The following KCNN2 variants were observed in gnomAD, a reference collection of about 807,000 sequenced individuals.
The protein encoded by KCNN2 is potassium calcium-activated channel subfamily N member 2.
A neutral mutation model predicts 55.5 loss-of-function variants in KCNN2; 24 were observed. The ratio of observed to expected loss-of-function variants is 0.43; its 90% CI spans 0.31 to 0.61. The LOEUF (loss-of-function observed/expected upper bound fraction) is 0.61. KCNN2 is among the 20% of genes least tolerant of loss of function. KCNN2 has a pLI of 0.08. For missense variants in KCNN2, 754 were observed against 853.6 expected, an observed-to-expected ratio of 0.88 and a Z score of 1.45; for synonymous variants, 431 against 336.1, an observed-to-expected ratio of 1.28 and a Z score of -3.09.
intron 1 of KCNN2, among the ~76,000 whole-genome samples, chr5:114,174,500 A>C (rs1024080838): frequency 1.3e-5 from 2 of 152,072 alleles, no homozygotes; most frequent in African/African-American, 4.8e-5. Context: ...TGTATTTCTT[A>C]CTTCACTTCT....
At chr5:114,368,710 G>A (rs1757675974) in intron 2 of KCNN2, among the ~76,000 whole-genome samples, 1 of 152,102 alleles carries the variant, frequency 6.6e-6, no homozygotes, top group Non-Finnish European at 1.5e-5. Flanking sequence ...AGTGAAAGTC[G>A]CATTCTCTCA....
intron 5 of KCNN2, among the ~76,000 whole-genome samples, chr5:114,484,948 G>A (rs1236917270): frequency 6.6e-6 from 1 of 152,068 alleles, no homozygotes; most frequent in East Asian, 1.9e-4. Context: ...AAGGCCTCGA[G>A]GGCATTACCC....
upstream of KCNN2, among the ~76,000 whole-genome samples, chr5:114,358,692 C>T (rs1217074009): frequency 6.6e-6 from 1 of 151,894 alleles, no homozygotes; most frequent in Non-Finnish European, 1.5e-5. Context: ...TTCCTCTCTC[C>T]TTCTCTCTGT....
chr5:114,263,888 C>T (rs1381933533), intron 2 of KCNN2, among the ~76,000 whole-genome samples: 1 of 152,144 alleles, frequency 6.6e-6, no homozygotes, highest in Admixed American at 6.6e-5. Flanking sequence ...GCATCATATG[C>T]ACAGCTCCAT....
At chr5:114,252,824 T>C (rs1754897535) in intron 2 of KCNN2, among the ~76,000 whole-genome samples, 1 of 151,736 alleles carries the variant, frequency 6.6e-6, no homozygotes, top group African/African-American at 2.4e-5. Flanking sequence ...GGTGACAAGA[T>C]GACATGTGGA....
chr5:114,293,621 A>G (rs1755943863), intron 2 of KCNN2, among the ~76,000 whole-genome samples: 1 of 152,294 alleles, frequency 6.6e-6, no homozygotes, highest in Admixed American at 6.5e-5. Context: ...TTTTTGCATC[A>G]ATGTTCTTCA....
At chr5:114,460,214 T>C (rs544437242) in intron 3 of KCNN2, among the ~76,000 whole-genome samples, 5 of 152,144 alleles carry the variant, frequency 3.3e-5, no homozygotes, top group African/African-American at 1.2e-4. Flanking sequence ...GAAAACCACA[T>C]GCCTAGGAAG....
At chr5:114,263,962 T>C (rs750566798) in intron 2 of KCNN2, among the ~76,000 whole-genome samples, 40 of 152,222 alleles carry the variant, frequency 2.6e-4, no homozygotes, top group Non-Finnish European at 5.7e-4. Context: ...CAAGGCTCTC[T>C]GAGCTTCTTT....
At chr5:114,295,452 A>G (rs1010846944) in intron 2 of KCNN2, among the ~76,000 whole-genome samples, 2 of 152,024 alleles carry the variant, frequency 1.3e-5, no homozygotes, top group African/African-American at 4.8e-5. Flanking sequence ...TTGATCTCAG[A>G]CTGCTGTGCT....
rs1024029284 is a variant in KCNN2, at chr5:114,433,440, G to T, written c.1637+28584G>T. The stretch of plus-strand genomic sequence containing the variant: ...AGTGCCCTGTCAAAACAGACCACTC[G>T]GCTCTACCAATCAGCAGGATGTGGG... On this transcript the variant is annotated intron_variant, in intron 3 of 7. Coordinates refer to ENST00000673685, the MANE Select transcript of KCNN2 (RefSeq NM_021614.4). 4.9e-4 allele frequency: 74 copies of T among 152,262 alleles called. 1 individual carries two copies. The highest frequency in any genetic ancestry group is 1.5e-3 in the African/African-American group (62 of 41,536). 9.4% of individuals were successfully genotyped at this position (152,262 alleles called of 1,614,324 possible).
At chr5:114,225,227 TA>T (rs1341609859) in intron 2 of KCNN2, among the ~76,000 whole-genome samples, 2 of 152,336 alleles carry the variant, frequency 1.3e-5, no homozygotes, top group Admixed American at 6.5e-5. Flanking sequence ...TCTCATTAAT[TA>T]ATTTAAAGAT....
At chr5:114,198,459 C>CTT (rs1554074329) in intron 1 of KCNN2, among the ~76,000 whole-genome samples, 3 of 98,898 alleles carry the variant, frequency 3.0e-5, no homozygotes, top group Non-Finnish European at 7.3e-5. Flanking sequence ...CATATATATA[C>CTT]ATATACACAC....
intron 2 of KCNN2, among the ~76,000 whole-genome samples, chr5:114,269,494 CTT>C (rs67045907): frequency 2.5e-3 from 358 of 144,104 alleles, no homozygotes; most frequent in Non-Finnish European, 2.6e-3. Flanking sequence ...TGGTTCTCAC[CTT>C]TTTTTTTTTT....
intron 7 of KCNN2, among the ~76,000 whole-genome samples, chr5:114,494,244 T>G (rs1393350396): frequency 1.8e-5 from 2 of 110,302 alleles, no homozygotes; most frequent in Non-Finnish European, 3.9e-5. Flanking sequence ...AACTCTCAGT[T>G]GCATCTTACA....
chr5:114,422,576 A>G (rs1192453097), intron 3 of KCNN2, among the ~76,000 whole-genome samples: 1 of 152,224 alleles, frequency 6.6e-6, no homozygotes, highest in East Asian at 1.9e-4. Context: ...TCTTCCCTAA[A>G]AAGAGAAAAA....
At chr5:114,214,558 A>C (rs1753963370) in intron 1 of KCNN2, among the ~76,000 whole-genome samples, 1 of 152,034 alleles carries the variant, frequency 6.6e-6, no homozygotes, top group African/African-American at 2.4e-5. Flanking sequence ...AAAGTTGACA[A>C]AGGTAAGGGT....
chr5:114,434,693 T>C (rs1368052819), intron 3 of KCNN2, among the ~76,000 whole-genome samples: 1 of 152,212 alleles, frequency 6.6e-6, no homozygotes, highest in Non-Finnish European at 1.5e-5. Flanking sequence ...AGTCGTTTAA[T>C]AAGTACAGGT....
chr5:114,114,869 C>A (rs79208351), intron 1 of KCNN2, among the ~76,000 whole-genome samples: 9,625 of 152,186 alleles, frequency 0.063, 601 homozygotes, highest in East Asian at 0.29. Context: ...ATATTTCACA[C>A]AGCAATACAG....
chr5:114,392,922 G>A (rs1758495591), intron 2 of KCNN2, among the ~76,000 whole-genome samples: 1 of 150,680 alleles, frequency 6.6e-6, no homozygotes, highest in Non-Finnish European at 1.5e-5. Context: ...TTTGTTTGGG[G>A]CCATGATCCC....
Sources: allele counts gnomAD v4.1 joint callset (sites outside exome capture counted in the v4.1 genomes callset), GRCh38; gene constraint gnomAD v4.1.1; transcripts MANE v1.5; gene names NCBI Gene and HGNC (gene_info 2026-07-23, HGNC 2026-07-21).